DNAJC12: variants seen among roughly 807,000 people sequenced by gnomAD.
DNAJC12 encodes DnaJ heat shock protein family (Hsp40) member C12.
Under a neutral mutation model 28.5 loss-of-function variants are expected in DNAJC12, and 25 were observed. That is an observed-to-expected ratio of 0.88 (90% CI 0.64 to 1.22). The LOEUF (loss-of-function observed/expected upper bound fraction) is 1.22. DNAJC12 is among the 50% of genes most tolerant of loss of function. DNAJC12 has a pLI of 0.00. For missense variants in DNAJC12, 222 were observed against 231.7 expected, an observed-to-expected ratio of 0.96 and a Z score of 0.27; for synonymous variants, 77 against 80.6, an observed-to-expected ratio of 0.95 and a Z score of 0.24.
intron 2 of DNAJC12, among the ~76,000 whole-genome samples, chr10:67,814,005 CTGTT>C (rs908941962): frequency 2.0e-5 from 3 of 147,742 alleles, no homozygotes; most frequent in Non-Finnish European, 3.0e-5. Flanking sequence ...GTCCTAAAAT[CTGTT>C]TGCAAATACA....
chr10:67,805,303 T>G (rs534380241), intron 4 of DNAJC12, among the ~76,000 whole-genome samples: 1 of 152,230 alleles, frequency 6.6e-6, no homozygotes, highest in East Asian at 1.9e-4. Context: ...AAATGTAAAC[T>G]AATATATGTA....
intron 1 of DNAJC12, among the ~76,000 whole-genome samples, chr10:67,828,656 T>TTCTC (rs142433904): frequency 0.02 from 2,942 of 145,740 alleles, 69 homozygotes; most frequent in African/African-American, 0.059. Context: ...ATATTCTATT[T>TTCTC]TCTCTCTCTC....
At chr10:67,826,084 T>C (rs374074881) in intron 1 of DNAJC12, among the ~76,000 whole-genome samples, 4 of 152,030 alleles carry the variant, frequency 2.6e-5, no homozygotes, top group African/African-American at 9.6e-5. Context: ...TTATTCCTCA[T>C]CCAAGGAATA....
At chr10:67,815,976 T>C (rs1383816660) in intron 2 of DNAJC12, 1 of 397,912 alleles carries the variant, frequency 2.5e-6, no homozygotes, top group Non-Finnish European at 4.4e-6. Flanking sequence ...AAAGTGAGTT[T>C]GGGTTTATAT....
intron 1 of DNAJC12, 30 bp from the exon 2 acceptor site, chr10:67,823,422 G>A: frequency 6.2e-7 from 1 of 1,602,884 alleles, no homozygotes; most frequent in Non-Finnish European, 8.5e-7. Flanking sequence ...TTAAAATAAA[G>A]AGTCATGCCA....
chr10:67,819,707 G>A (rs773238883), intron 2 of DNAJC12, among the ~76,000 whole-genome samples: 6,911 of 30,012 alleles, frequency 0.23, 1,352 homozygotes, highest in South Asian at 0.28. Flanking sequence ...AGGAAGGAAG[G>A]AAGGAAGGAA....
chr10:67,815,005 T>C lies in DNAJC12; in HGVS notation c.158-3342A>G, dbSNP rs184316163. 1.9e-3 allele frequency among the ~76,000 whole-genome samples: 296 copies of C among 152,320 alleles called. 2 individuals carry two copies. The highest frequency in any genetic ancestry group is 6.4e-3 in the African/African-American group (267 of 41,570). ...CCCAACTATTATAATCCTAGGTATA[T>C]ATCCATGAGAAATGAAAACATATGT... On this transcript the variant is annotated intron_variant, in intron 2 of 4. Coordinates refer to ENST00000225171, the MANE Select transcript of DNAJC12 (RefSeq NM_021800.3).
chr10:67,804,985 T>G (rs1841784138), intron 4 of DNAJC12, among the ~76,000 whole-genome samples: 1 of 152,156 alleles, frequency 6.6e-6, no homozygotes, highest in African/African-American at 2.4e-5. Flanking sequence ...TGAGCTGAGA[T>G]TATGCCACTG....
At chr10:67,806,866 C>T (rs1421534510) in intron 3 of DNAJC12, among the ~76,000 whole-genome samples, 2 of 151,070 alleles carry the variant, frequency 1.3e-5, no homozygotes, top group Non-Finnish European at 2.9e-5. Flanking sequence ...GGAAAGGCAC[C>T]AAAATATAAC....
chr10:67,809,479 G>A (rs1841837540), intron 3 of DNAJC12, among the ~76,000 whole-genome samples: 2 of 151,960 alleles, frequency 1.3e-5, no homozygotes, highest in African/African-American at 2.4e-5. Flanking sequence ...CCTGGGTGAG[G>A]TCTTAAAATA....
chr10:67,834,198 A>T (rs1002464368), intron 1 of DNAJC12: 4 of 353,050 alleles, frequency 1.1e-5, no homozygotes, highest in Non-Finnish European at 1.7e-5. Flanking sequence ...GATTTTGATC[A>T]TTATACTTTC....
Position 67,819,700 on chromosome 10 carries a change from AAGGAAGGAAGG to A in DNAJC12, c.157+3603_157+3613del, listed in dbSNP as rs1564863281. ...AAAGAAAGAAAGAAAGAAAGAAAGG[AAGGAAGGAAGG>A]AAGGAAGCAAGGAAGGAAGGAAGGA... On this transcript the variant is annotated intron_variant, in intron 2 of 4. Transcript: ENST00000225171. Among the ~76,000 whole-genome samples, 193 of 21,000 alleles carry A rather than the reference AAGGAAGGAAGG, an allele frequency of 9.2e-3. 24 individuals carry two copies. Among genetic ancestry groups the A allele is most frequent in the African/African-American group, 0.016 (117 of 7,260 alleles). 13.8% of individuals were successfully genotyped at this position (21,000 alleles called of 152,430 possible).
chr10:67,831,295 T>A (rs1265540715), intron 1 of DNAJC12, among the ~76,000 whole-genome samples: 2 of 152,236 alleles, frequency 1.3e-5, no homozygotes, highest in Non-Finnish European at 2.9e-5. Flanking sequence ...TAAGTCATAC[T>A]CCAAAATGTT....
intron 3 of DNAJC12, among the ~76,000 whole-genome samples, chr10:67,807,296 G>A (rs1419713920): frequency 6.6e-6 from 1 of 152,008 alleles, no homozygotes; most frequent in Non-Finnish European, 1.5e-5. Flanking sequence ...TTAAAAATTA[G>A]GCGAAGTTTC....
intron 1 of DNAJC12, chr10:67,833,623 T>C (rs1266584285): frequency 3.6e-6 from 1 of 280,060 alleles, no homozygotes; most frequent in Non-Finnish European, 7.1e-6. Flanking sequence ...TATAGCAATG[T>C]TAATTTTCTG....
chr10:67,819,115 C>A (rs998345965), intron 2 of DNAJC12, among the ~76,000 whole-genome samples: 4 of 151,934 alleles, frequency 2.6e-5, no homozygotes, highest in Non-Finnish European at 1.5e-5. Context: ...GGGCGGATCA[C>A]GAGGTCAGGA....
Position 67,837,951 on chromosome 10 carries a change from ATCC to A in DNAJC12, c.58_60del (p.Gly20del). Reference sequence around the variant, plus strand: ...TGTCTTACCGAAGATAGTTCATCACATCCCAGTAATGTGTAGTAATCTTCAGTA... The same window carrying A: ...TGTCTTACCGAAGATAGTTCATCACACAGTAATGTGTAGTAATCTTCAGTA... On this transcript the variant is annotated inframe_deletion, in exon 1 of 5. Coordinates refer to ENST00000225171, the MANE Select transcript of DNAJC12 (RefSeq NM_021800.3). 1 of 1,605,500 alleles carries A rather than the reference ATCC, an allele frequency of 6.2e-7. No homozygotes were observed. Among genetic ancestry groups the A allele is most frequent in the Non-Finnish European group, 8.5e-7 (1 of 1,175,282 alleles).
chr10:67,804,113 A>G (rs572220635), intron 4 of DNAJC12, among the ~76,000 whole-genome samples: 58 of 152,334 alleles, frequency 3.8e-4, no homozygotes, highest in Middle Eastern at 3.4e-3. Flanking sequence ...ATAGGGTGCT[A>G]CATCACAACC....
At chr10:67,829,437 G>A (rs1299979355) in intron 1 of DNAJC12, among the ~76,000 whole-genome samples, 2 of 152,086 alleles carry the variant, frequency 1.3e-5, no homozygotes, top group African/African-American at 4.8e-5. Flanking sequence ...TCAAGAGATC[G>A]AGACCATCCT....
Sources: gnomAD v4.1 joint callset for allele counts (sites outside exome capture counted in the v4.1 genomes callset) on GRCh38, gnomAD v4.1.1 for gene constraint, MANE v1.5 for transcripts, NCBI Gene and HGNC (gene_info 2026-07-23, HGNC 2026-07-21) for gene names.